The following KIAA0825 variants were observed in gnomAD, a reference collection of about 807,000 sequenced individuals.
KIAA0825 encodes KIAA0825, also known as uncharacterized protein KIAA0825.
In KIAA0825, 119 loss-of-function variants were observed where a neutral mutation model predicts 147.6. That is an observed-to-expected ratio of 0.81 (90% CI 0.69 to 0.94). The LOEUF is 0.94. Ranked by LOEUF, KIAA0825 falls within the 40% of genes least tolerant of loss-of-function variation. KIAA0825 has a pLI of 0.00. For synonymous variants in KIAA0825, 470 were observed against 518.1 expected, an observed-to-expected ratio of 0.91 and a Z score of 1.26; for missense variants, 1,381 against 1,472.7, an observed-to-expected ratio of 0.94 and a Z score of 1.02.
chr5:94,208,700 T>C (rs923749376), intron 20 of KIAA0825, among the ~76,000 whole-genome samples: 1 of 151,926 alleles, frequency 6.6e-6, no homozygotes, highest in Non-Finnish European at 1.5e-5. Flanking sequence ...GGGCTGGAGA[T>C]TGGGGAGGAA....
intron 20 of KIAA0825, among the ~76,000 whole-genome samples, chr5:94,347,200 C>T (rs1283864548): frequency 6.6e-6 from 1 of 152,196 alleles, no homozygotes; most frequent in African/African-American, 2.4e-5. Context: ...GCCCTGCCCC[C>T]ACATGATGGT....
chr5:94,438,193 C>T (rs779159080), intron 14 of KIAA0825, among the ~76,000 whole-genome samples: 3 of 152,110 alleles, frequency 2.0e-5, no homozygotes, highest in Non-Finnish European at 4.4e-5. Context: ...TAGAGCTACT[C>T]GCTATTTATC....
At chr5:94,290,579 T>C (rs567673473) in intron 20 of KIAA0825, among the ~76,000 whole-genome samples, 1 of 152,296 alleles carries the variant, frequency 6.6e-6, no homozygotes, top group Non-Finnish European at 1.5e-5. Flanking sequence ...TTGTAAATAG[T>C]GCTGCAATAA....
chr5:94,525,948 T>C (rs1351686534), intron 3 of KIAA0825, among the ~76,000 whole-genome samples: 2 of 152,028 alleles, frequency 1.3e-5, no homozygotes, highest in Admixed American at 1.3e-4. Flanking sequence ...ATAAACTTTA[T>C]TTTAAAATCA....
intron 14 of KIAA0825, among the ~76,000 whole-genome samples, chr5:94,420,144 T>A (rs1415619465): frequency 6.6e-6 from 1 of 151,906 alleles, no homozygotes; most frequent in Non-Finnish European, 1.5e-5. Context: ...GGCAGTGTGA[T>A]GTGGCTGAAG....
At chr5:94,541,817 T>C (rs1332666553) in intron 2 of KIAA0825, among the ~76,000 whole-genome samples, 4 of 152,252 alleles carry the variant, frequency 2.6e-5, no homozygotes, top group African/African-American at 9.6e-5. Flanking sequence ...TTAGCTTATT[T>C]AGTATAAAGT....
rs139078355 is a variant in KIAA0825, at chr5:94,358,037, T to C, written c.3710+26331A>G. ...GCTCTTTTGCTATACACAGTATCTA[T>C]CTTCATCAGAACTAGGAAGGTCTTA... On this transcript the variant is annotated intron_variant, in intron 20 of 20. Coordinates refer to ENST00000682413, the MANE Select transcript of KIAA0825 (RefSeq NM_001145678.3). Among the ~76,000 whole-genome samples the C allele has an allele frequency of 3.0e-3, 452 of 152,320 alleles. 4 individuals carry two copies. Among genetic ancestry groups the C allele is most frequent in the Non-Finnish European group, 4.2e-3 (286 of 68,030 alleles).
intron 3 of KIAA0825, among the ~76,000 whole-genome samples, chr5:94,525,442 A>T (rs1484853718): frequency 6.6e-6 from 1 of 151,940 alleles, no homozygotes; most frequent in Non-Finnish European, 1.5e-5. Flanking sequence ...GAGCCTTTTC[A>T]TGAACACAAA....
intron 2 of KIAA0825, among the ~76,000 whole-genome samples, chr5:94,566,304 G>A (rs961143026): frequency 2.0e-5 from 3 of 152,124 alleles, no homozygotes; most frequent in Admixed American, 6.5e-5. Context: ...TACATAAAAT[G>A]TCCATATAAA....
chr5:94,586,263 A>G (rs996845645), intron 1 of KIAA0825, among the ~76,000 whole-genome samples: 1 of 152,162 alleles, frequency 6.6e-6, no homozygotes, highest in African/African-American at 2.4e-5. Context: ...CTGGTTTTCT[A>G]AAAGATCAAC....
intron 5 of KIAA0825, among the ~76,000 whole-genome samples, chr5:94,516,573 G>A (rs1426427452): frequency 6.6e-6 from 1 of 151,926 alleles, no homozygotes. Context: ...GGAGGCCGAG[G>A]CGGGCGGATC....
intron 20 of KIAA0825, among the ~76,000 whole-genome samples, chr5:94,383,050 C>T (rs1748629865): frequency 6.6e-6 from 1 of 152,188 alleles, no homozygotes; most frequent in Admixed American, 6.5e-5. Flanking sequence ...TCAATAGAGG[C>T]CCTGGCCTCT....
intron 20 of KIAA0825, among the ~76,000 whole-genome samples, chr5:94,184,797 T>A (rs1562300495): frequency 6.6e-6 from 1 of 152,194 alleles, no homozygotes; most frequent in Non-Finnish European, 1.5e-5. Context: ...GGTATCTATT[T>A]AAATTTATCA....
At chr5:94,545,563 T>A (rs1228792969) in intron 2 of KIAA0825, among the ~76,000 whole-genome samples, 1 of 152,162 alleles carries the variant, frequency 6.6e-6, no homozygotes, top group Non-Finnish European at 1.5e-5. Flanking sequence ...GTGAGGTCCC[T>A]ATTCCAGGAC....
chr5:94,294,931 G>A (rs1355425731), intron 20 of KIAA0825, among the ~76,000 whole-genome samples: 3 of 151,988 alleles, frequency 2.0e-5, no homozygotes, highest in African/African-American at 7.2e-5. Flanking sequence ...GTATCTTTGT[G>A]GTGTTCTCGT....
intron 20 of KIAA0825, among the ~76,000 whole-genome samples, chr5:94,310,765 A>G (rs537103123): frequency 6.6e-6 from 1 of 151,824 alleles, no homozygotes; most frequent in South Asian, 2.1e-4. Flanking sequence ...ATTCTGTTAT[A>G]ACAATTTGAA....
chr5:94,162,350 A>C (rs1454940554), intron 20 of KIAA0825, among the ~76,000 whole-genome samples: 1 of 151,768 alleles, frequency 6.6e-6, no homozygotes, highest in Non-Finnish European at 1.5e-5. Context: ...CCCAGGCTGG[A>C]GTGCAGTGGC....
intron 20 of KIAA0825, among the ~76,000 whole-genome samples, chr5:94,342,554 G>C (rs1041652825): frequency 6.6e-6 from 1 of 152,106 alleles, no homozygotes; most frequent in African/African-American, 2.4e-5. Context: ...AGAACTGAGG[G>C]TAGTTTTAGA....
intron 20 of KIAA0825, among the ~76,000 whole-genome samples, chr5:94,276,786 A>G (rs1217722945): frequency 6.6e-6 from 1 of 152,128 alleles, no homozygotes; most frequent in Admixed American, 6.6e-5. Flanking sequence ...AGGGCCTGCT[A>G]TCAAACAGCC....
Sources: gnomAD v4.1 joint callset for allele counts (sites outside exome capture counted in the v4.1 genomes callset) on GRCh38, gnomAD v4.1.1 for gene constraint, MANE v1.5 for transcripts, NCBI Gene and HGNC (gene_info 2026-07-23, HGNC 2026-07-21) for gene names.